DMD: variants seen among roughly 807,000 people sequenced by gnomAD.
DMD encodes dystrophin.
DMD carries 63 observed loss-of-function variants against 330.1 expected under a neutral mutation model. That is an observed-to-expected ratio of 0.19 (90% CI 0.16 to 0.24). The LOEUF (loss-of-function observed/expected upper bound fraction) is 0.24, where lower values mean the gene tolerates loss of function less well. Among genes scored for constraint, DMD ranks in the 10% least tolerant of loss-of-function variants. The probability of loss-of-function intolerance (pLI) is 1.00; values close to 1 mark genes in which losing one functional copy is unlikely to be tolerated. For synonymous variants in DMD, 1,223 were observed against 959.8 expected, an observed-to-expected ratio of 1.27 and a Z score of -5.07; for missense variants, 3,344 against 2,684.1, an observed-to-expected ratio of 1.25 and a Z score of -5.43.
At position 32,774,145 on chromosome X, in the gene DMD, A is replaced by T. The variant is rs761614341; in HGVS notation, c.649+35348T>A. On this transcript the variant is annotated intron_variant, in intron 7 of 78. Coordinates refer to ENST00000357033, the MANE Select transcript of DMD (RefSeq NM_004006.3). ...TTCCTTAGGAGAAATGGCCTGCTAA[A>T]GGGCAAGGGTTCCACGATTGTAATA... 2.7e-5 allele frequency among the ~76,000 whole-genome samples: 3 copies of T among 112,336 alleles called. No homozygotes were observed. In the East Asian group the frequency reaches 8.4e-4, roughly 32 times the overall value.
chrX:31,990,443 A>G (rs1459488666), intron 44 of DMD, among the ~76,000 whole-genome samples: 1 of 111,895 alleles, frequency 8.9e-6, no homozygotes, highest in African/African-American at 3.2e-5. Flanking sequence ...GTCACTGTAC[A>G]TTATTGTAGT....
chrX:32,815,070 C>G (rs919033037), intron 6 of DMD, among the ~76,000 whole-genome samples: 26 of 110,857 alleles, frequency 2.3e-4, no homozygotes, highest in African/African-American at 8.2e-4. Context: ...AATGTGTTAA[C>G]GCTGCTTAAC....
intron 62 of DMD, among the ~76,000 whole-genome samples, chrX:31,304,888 G>A (rs922374982): frequency 1.3e-4 from 14 of 110,848 alleles, no homozygotes; most frequent in Non-Finnish European, 5.7e-5. Flanking sequence ...ATTTTGAACT[G>A]CACAGCTAGA....
intron 1 of DMD, among the ~76,000 whole-genome samples, chrX:33,030,295 T>C (rs1244436583): frequency 8.9e-6 from 1 of 111,942 alleles, no homozygotes; most frequent in African/African-American, 3.2e-5. Context: ...TTTTATAGTA[T>C]TTGTAAATAT....
At chrX:32,174,962 T>G (rs2096901049) in intron 44 of DMD, among the ~76,000 whole-genome samples, 1 of 111,714 alleles carries the variant, frequency 9.0e-6, no homozygotes, top group Non-Finnish European at 1.9e-5. Context: ...TTGAAAAGAT[T>G]TATTTTCTAT....
In DMD at chrX:32,005,671, T is replaced by C. The variant is rs961267735; in HGVS notation, c.6439-37157A>G. Among the ~76,000 whole-genome samples, 3 of 110,617 alleles carry C rather than the reference T, an allele frequency of 2.7e-5. No individual in the cohort carries two copies. The Admixed American group carries it at 2.9e-4, about 11-fold the overall frequency. On this transcript the variant is annotated intron_variant, in intron 44 of 78. Coordinates refer to ENST00000357033, the MANE Select transcript of DMD (RefSeq NM_004006.3). Reference sequence around the variant, plus strand: ...AGCTGGGGTATAAAGATACAAAAAATAAAGAATATTACCACCTTTTCCTTC... The same window carrying C: ...AGCTGGGGTATAAAGATACAAAAAACAAAGAATATTACCACCTTTTCCTTC...
chrX:32,431,972 G>A (rs1603633347), intron 29 of DMD, among the ~76,000 whole-genome samples: 1 of 111,117 alleles, frequency 9.0e-6, no homozygotes, highest in African/African-American at 3.3e-5. Context: ...ATTTGCATTT[G>A]CTTCTAACTA....
intron 44 of DMD, among the ~76,000 whole-genome samples, chrX:32,038,054 C>T (rs928290073): frequency 1.8e-5 from 2 of 111,652 alleles, no homozygotes; most frequent in Non-Finnish European, 3.8e-5. Flanking sequence ...ATTCAACAAA[C>T]GTCTTCTAAT....
At chrX:31,949,911 G>A (rs770736952) in intron 45 of DMD, among the ~76,000 whole-genome samples, 1 of 108,189 alleles carries the variant, frequency 9.2e-6, no homozygotes, top group Non-Finnish European at 1.9e-5. Context: ...GGTCAGTCTA[G>A]CTAAAGCTTC....
At chrX:31,590,452 C>T (rs371600922) in intron 55 of DMD, among the ~76,000 whole-genome samples, 4 of 111,500 alleles carry the variant, frequency 3.6e-5, no homozygotes, top group African/African-American at 6.5e-5. Flanking sequence ...TGTTAAGTTG[C>T]GAAGTAACTT....
intron 11 of DMD, among the ~76,000 whole-genome samples, chrX:32,627,873 T>C (rs989120035): frequency 2.7e-4 from 30 of 111,106 alleles, no homozygotes; most frequent in African/African-American, 7.9e-4. Flanking sequence ...ACTTTAATGA[T>C]AGAAACCACA....
At chrX:33,337,870 C>T (rs1032943673) in intron 1 of DMD, among the ~76,000 whole-genome samples, 1 of 111,761 alleles carries the variant, frequency 8.9e-6, no homozygotes, top group African/African-American at 3.2e-5. Context: ...ACCAGACTGA[C>T]TGGGATATTA....
At chrX:33,330,087 A>G (rs1198971305) in intron 1 of DMD, among the ~76,000 whole-genome samples, 4 of 111,156 alleles carry the variant, frequency 3.6e-5, no homozygotes. Flanking sequence ...ATGTGTATAT[A>G]TGCATATCTA....
chrX:32,940,877 C>T (rs768150506), intron 2 of DMD, among the ~76,000 whole-genome samples: 5 of 110,992 alleles, frequency 4.5e-5, no homozygotes, highest in East Asian at 2.8e-4. Flanking sequence ...ACCTACGGAA[C>T]GGGAGAAAAT....
chrX:33,091,146 A>G (rs2095080744), intron 1 of DMD, among the ~76,000 whole-genome samples: 1 of 111,741 alleles, frequency 8.9e-6, no homozygotes, highest in South Asian at 3.7e-4. Context: ...ACATAAATGT[A>G]TATACTCACA....
intron 2 of DMD, among the ~76,000 whole-genome samples, chrX:32,926,772 G>T (rs1186763504): frequency 1.9e-5 from 2 of 107,012 alleles, no homozygotes; most frequent in Admixed American, 1.0e-4. Flanking sequence ...AAAAAAAAGT[G>T]TTCTTCCTAC....
intron 61 of DMD, among the ~76,000 whole-genome samples, chrX:31,344,973 T>C (rs1490731840): frequency 1.8e-5 from 2 of 111,764 alleles, no homozygotes; most frequent in Non-Finnish European, 3.8e-5. Flanking sequence ...TCTTTTCTTG[T>C]TTGTACTGTG....
chrX:31,645,263 A>C (rs1279437094), intron 54 of DMD, among the ~76,000 whole-genome samples: 1 of 111,303 alleles, frequency 9.0e-6, no homozygotes, highest in Non-Finnish European at 1.9e-5. Context: ...ATTTCTAAAA[A>C]ATTTCTCCTC....
chrX:31,949,142 TCAATTTTTCAATTTGTGCCAAGATTGTG>T (rs1362734348), intron 45 of DMD, among the ~76,000 whole-genome samples: 2 of 111,192 alleles, frequency 1.8e-5, no homozygotes, highest in Non-Finnish European at 3.8e-5. Flanking sequence ...AATTGTGGGA[TCAATTTTTCAATTTGTGCCAAGATTGTG>T]CAATTTTTCA....
Sources: allele counts gnomAD v4.1 joint callset (sites outside exome capture counted in the v4.1 genomes callset), GRCh38; gene constraint gnomAD v4.1.1; transcripts MANE v1.5; gene names NCBI Gene and HGNC (gene_info 2026-07-23, HGNC 2026-07-21).